The following SLC18A3 variants were observed in gnomAD, a reference collection of about 807,000 sequenced individuals.
SLC18A3 encodes vesicular acetylcholine transporter.
A neutral mutation model predicts 24.2 loss-of-function variants in SLC18A3; 18 were observed. The observed-to-expected ratio is 0.74, with a 90% CI of 0.51 to 1.10. SLC18A3 has a LOEUF of 1.10. Ranked by LOEUF, SLC18A3 falls within the 50% of genes least tolerant of loss-of-function variation. SLC18A3 has a pLI of 0.00. For missense variants in SLC18A3, 744 were observed against 750.7 expected (o/e 0.99, Z 0.10); for synonymous variants, 415 against 355.4 (o/e 1.17, Z -1.89).
chr10:49,612,366 C>T lies in SLC18A3; in HGVS notation c.*27C>T, dbSNP rs1838325254. The T allele has an allele frequency of 6.4e-7, 1 of 1,558,182 alleles. No individual in the cohort carries two copies. Among genetic ancestry groups the T allele is most frequent in the Non-Finnish European group, 8.7e-7 (1 of 1,148,406 alleles). On this transcript the variant is annotated 3_prime_UTR_variant, in exon 1 of 1. Transcript: ENST00000374115. ...ATCCCCACTCCTCCTCCAGCCCACCCAACCGCCTTGGGTCAAGGGGGCTGC... is the reference window on the plus strand; with the variant it reads ...ATCCCCACTCCTCCTCCAGCCCACCTAACCGCCTTGGGTCAAGGGGGCTGC...
Position 49,611,216 on chromosome 10 carries a change from T to G in SLC18A3, c.476T>G (p.Leu159Arg). ...MSYDVPLLIG[L>R]GVMFASTVLF... ...TACGACGTGCCGCTGCTGATCGGCCTGGGCGTCATGTTCGCCTCTACAGTC... is the reference window on the plus strand; with the variant it reads ...TACGACGTGCCGCTGCTGATCGGCCGGGGCGTCATGTTCGCCTCTACAGTC... Residue 159 changes from leucine (L) to arginine (R), a missense_variant, in exon 1 of 1, where the codon CTG (leucine) becomes CGG (arginine). By Grantham distance (102) the Leu-to-Arg change is moderately radical. Coordinates refer to ENST00000374115, the MANE Select transcript of SLC18A3 (RefSeq NM_003055.3). The G allele has an allele frequency of 6.2e-7, 1 of 1,614,050 alleles. No homozygotes were observed. Among genetic ancestry groups the G allele is most frequent in the Non-Finnish European group, 8.5e-7 (1 of 1,180,004 alleles).
chr10:49,610,824 C>T lies in SLC18A3; in HGVS notation c.84C>T (p.Pro28=). 2 of 1,606,592 alleles carry T rather than the reference C, an allele frequency of 1.2e-6. No individual in the cohort carries two copies. Among genetic ancestry groups the T allele is most frequent in the Non-Finnish European group, 1.7e-6 (2 of 1,176,774 alleles). The change falls in exon 1 of 1, where the codon CCC becomes CCT. Residue 28 remains proline, a synonymous_variant. Transcript: ENST00000374115. ...SEAVGAALQE[P]RRQRRLVLVI... The stretch of plus-strand genomic sequence containing the variant: ...CTGTGGGCGCGGCGCTGCAGGAGCC[C>T]CGGCGGCAGAGGCGCCTGGTGCTTG...
Position 49,612,559 on chromosome 10 carries a change from G to T in SLC18A3, c.*220G>T. ...GAGCACCGAGGCCAGCGAAGCCATC[G>T]CGCTCCTTGCGGAGGTGAAGAGGAC... On this transcript the variant is annotated 3_prime_UTR_variant, in exon 1 of 1. Coordinates refer to ENST00000374115, the MANE Select transcript of SLC18A3 (RefSeq NM_003055.3). 1 of 549,574 alleles carries T rather than the reference G, an allele frequency of 1.8e-6. No individual in the cohort carries two copies. The highest frequency in any genetic ancestry group is 3.2e-6 in the Non-Finnish European group (1 of 309,060). 34.0% of individuals were successfully genotyped at this position (549,574 alleles called of 1,614,324 possible). A position where few individuals can be genotyped will look rare whatever the true frequency, so the allele number is the denominator to read the frequency against.
Position 49,612,446 on chromosome 10 carries a change from C to T in SLC18A3, c.*107C>T. On this transcript the variant is annotated 3_prime_UTR_variant, in exon 1 of 1. Transcript: ENST00000374115. ...AGGGCCCACCTCCTCCAGCGAGTAC[C>T]CCAGCCACTCCTCAACCTTGACTTC... The T allele has an allele frequency of 9.2e-7, 1 of 1,081,306 alleles. No homozygotes were observed. Among genetic ancestry groups the T allele is most frequent in the Non-Finnish European group, 1.3e-6 (1 of 741,210 alleles). 67.0% of individuals were successfully genotyped at this position (1,081,306 alleles called of 1,614,324 possible).
At position 49,610,682 on chromosome 10, in the gene SLC18A3, C is replaced by A. The variant is rs988228822; in HGVS notation, c.-59C>A. On this transcript the variant is annotated 5_prime_UTR_variant, in exon 1 of 1. Coordinates refer to ENST00000374115, the MANE Select transcript of SLC18A3 (RefSeq NM_003055.3). ...GTCCCGTGCCCTCGCCTCTGCACTG[C>A]GGGACGCCAGCGCTCGGCCCTGGCG... 4 of 1,439,398 alleles carry A rather than the reference C, an allele frequency of 2.8e-6. No homozygotes were observed. The African/African-American group carries it at 5.8e-5, about 21-fold the overall frequency. The allele number at this position is 1,439,398 out of a possible 1,614,324, so 89.2% of individuals were successfully genotyped here. A position where few individuals can be genotyped will look rare whatever the true frequency, so the allele number is the denominator to read the frequency against.
In SLC18A3 at chr10:49,612,688, C is replaced by T. The variant is rs965451248; in HGVS notation, c.*349C>T. 3.5e-6 allele frequency: 1 copy of T among 283,752 alleles called. No homozygotes were observed. The allele number at this position is 283,752 out of a possible 1,614,324, so 17.6% of individuals were successfully genotyped here. On this transcript the variant is annotated 3_prime_UTR_variant, in exon 1 of 1. Transcript: ENST00000374115. ...TTGGGCCGCTGCACCGCGGCGCCTCCGCCCAAATCAATAAACTGTGTCTGT... is the reference window on the plus strand; with the variant it reads ...TTGGGCCGCTGCACCGCGGCGCCTCTGCCCAAATCAATAAACTGTGTCTGT...
rs774335271 is a variant in SLC18A3 at position 49,612,363 on chromosome 10, A to G, written c.*24A>G. 6.4e-7 allele frequency: 1 copy of G among 1,556,046 alleles called. No homozygotes were observed. The highest frequency in any genetic ancestry group is 1.2e-5 in the South Asian group (1 of 81,592). On this transcript the variant is annotated 3_prime_UTR_variant, in exon 1 of 1. Coordinates refer to ENST00000374115, the MANE Select transcript of SLC18A3 (RefSeq NM_003055.3). ...AGCATCCCCACTCCTCCTCCAGCCC[A>G]CCCAACCGCCTTGGGTCAAGGGGGC...
At position 49,612,153 on chromosome 10, in the gene SLC18A3, C is replaced by T; in HGVS notation, c.1413C>T (p.Asn471=). The T allele has an allele frequency of 1.2e-6, 2 of 1,611,404 alleles. No individual in the cohort carries two copies. Among genetic ancestry groups the T allele is most frequent in the Non-Finnish European group, 8.5e-7 (1 of 1,179,778 alleles). The change falls in exon 1 of 1, where the codon AAC becomes AAT. Residue 471 remains asparagine (N), a synonymous_variant. Coordinates refer to ENST00000374115, the MANE Select transcript of SLC18A3 (RefSeq NM_003055.3). ...LYAPVLLLLR[N]VGLLTRSRSE... is the part of the protein sequence containing the mutation. ...CTCCCGTCTTGCTGCTGCTCCGCAA[C>T]GTGGGCCTCCTGACGCGCTCCCGTT... is the stretch of plus-strand genomic sequence containing the variant.
rs1047297359 is a variant in SLC18A3, at chr10:49,611,897, C to T, written c.1157C>T (p.Ser386Leu). The T allele has an allele frequency of 1.2e-6, 2 of 1,611,410 alleles. No individual in the cohort carries two copies. The highest frequency in any genetic ancestry group is 3.3e-5 in the Admixed American group (2 of 60,034). Residue 386 changes from serine to leucine, a missense_variant, in exon 1 of 1, where the codon TCA (serine) becomes TTA (leucine). This residue lies in a region of SLC18A3 where 566 missense variants were observed against 566.2 expected (regional missense o/e 1.00). Coordinates refer to ENST00000374115, the MANE Select transcript of SLC18A3 (RefSeq NM_003055.3). The part of the protein sequence containing the change: ...ACRSFAPLVV[S>L]LCGLCFGIAL... Reference sequence around the variant, plus strand: ...CGCTCCTTCGCGCCGCTAGTGGTCTCACTATGCGGCCTCTGTTTTGGCATA... The same window carrying T: ...CGCTCCTTCGCGCCGCTAGTGGTCTTACTATGCGGCCTCTGTTTTGGCATA...
chr10:49,610,974 G>A lies in SLC18A3; in HGVS notation c.234G>A (p.Trp78Ter). Residue 78 changes from tryptophan (W) to a stop codon, truncating the protein, a stop_gained, in exon 1 of 1, where the codon TGG becomes TGA. Coordinates refer to ENST00000374115, the MANE Select transcript of SLC18A3 (RefSeq NM_003055.3). LOFTEE classifies it high-confidence loss of function. Reference sequence around the variant, plus strand: ...GCCCCACCCGGACTCCCGAGGTGTGGGAGCCCACCCTGCCGCTGCCCACTC... The same window carrying A: ...GCCCCACCCGGACTCCCGAGGTGTGAGAGCCCACCCTGCCGCTGCCCACTC... ...GEGPTRTPEV[W>*]EPTLPLPTPA... The A allele has an allele frequency of 6.2e-7, 1 of 1,611,588 alleles. No homozygotes were observed. The highest frequency in any genetic ancestry group is 8.5e-7 in the Non-Finnish European group (1 of 1,178,554).
rs758786388 is a variant in SLC18A3 at position 49,610,697 on chromosome 10, C to A, written c.-44C>A. On this transcript the variant is annotated 5_prime_UTR_variant, in exon 1 of 1. Transcript: ENST00000374115. ...CTCTGCACTGCGGGACGCCAGCGCTCGGCCCTGGCGGAGGCGTCCTCGGAA... is the reference window on the plus strand; with the variant it reads ...CTCTGCACTGCGGGACGCCAGCGCTAGGCCCTGGCGGAGGCGTCCTCGGAA... The A allele has an allele frequency of 6.9e-7, 1 of 1,449,242 alleles. No individual in the cohort carries two copies. Among genetic ancestry groups the A allele is most frequent in the Non-Finnish European group, 9.0e-7 (1 of 1,105,762 alleles). 89.8% of individuals were successfully genotyped at this position (1,449,242 alleles called of 1,614,324 possible).
At position 49,611,406 on chromosome 10, in the gene SLC18A3, C is replaced by T. The variant is rs1564466201; in HGVS notation, c.666C>T (p.Ser222=). The change falls in exon 1 of 1, where the codon AGC becomes AGT. Residue 222 remains serine (S), a synonymous_variant. Transcript: ENST00000374115. ...RALGVALAFI[S]FGSLVAPPFG... ...TGGGCGTGGCGCTGGCCTTCATTAGCTTCGGAAGCCTAGTGGCCCCGCCCT... is the reference window on the plus strand; with the variant it reads ...TGGGCGTGGCGCTGGCCTTCATTAGTTTCGGAAGCCTAGTGGCCCCGCCCT... 6.3e-7 allele frequency: 1 copy of T among 1,598,128 alleles called. No individual in the cohort carries two copies. Among genetic ancestry groups the T allele is most frequent in the Non-Finnish European group, 8.5e-7 (1 of 1,179,220 alleles).
rs1838311901 is a variant in SLC18A3 at position 49,612,013 on chromosome 10, G to A, written c.1273G>A (p.Asp425Asn). The A allele has an allele frequency of 1.2e-6, 2 of 1,613,566 alleles. No homozygotes were observed. The highest frequency in any genetic ancestry group is 1.3e-5 in the African/African-American group (1 of 74,942). ...SVYGSVYAIA[D>N]ISYSVAYALG... Reference sequence around the variant, plus strand: ...CTATGGCAGCGTCTACGCCATCGCCGACATCTCCTATTCGGTGGCCTACGC... The same window carrying A: ...CTATGGCAGCGTCTACGCCATCGCCAACATCTCCTATTCGGTGGCCTACGC... The change falls in exon 1 of 1, where the codon GAC (aspartate) becomes AAC (asparagine). Residue 425 changes from aspartate (D) to asparagine (N), a missense_variant. By Grantham distance (23) the Asp-to-Asn change is conservative (BLOSUM62 1). Coordinates refer to ENST00000374115, the MANE Select transcript of SLC18A3 (RefSeq NM_003055.3).
In SLC18A3 at chr10:49,611,901, A is replaced by C; in HGVS notation, c.1161A>C (p.Leu387=). The change falls in exon 1 of 1, where the codon CTA becomes CTC. Residue 387 remains leucine, a synonymous_variant. Coordinates refer to ENST00000374115, the MANE Select transcript of SLC18A3 (RefSeq NM_003055.3). ...CCTTCGCGCCGCTAGTGGTCTCACT[A>C]TGCGGCCTCTGTTTTGGCATAGCCC... ...CRSFAPLVVS[L]CGLCFGIALV... is the part of the protein sequence containing the mutation. The C allele has an allele frequency of 6.2e-7, 1 of 1,611,596 alleles. No individual in the cohort carries two copies.
Position 49,611,642 on chromosome 10 carries a change from G to A in SLC18A3, c.902G>A (p.Cys301Tyr). 6.2e-7 allele frequency: 1 copy of A among 1,612,052 alleles called. No individual in the cohort carries two copies. The highest frequency in any genetic ancestry group is 1.1e-5 in the South Asian group (1 of 91,078). ...IAVVAGALTTCNIPLAFLEPT... is the reference protein window; with the variant it reads ...IAVVAGALTTYNIPLAFLEPT... ...GTGGTGGCCGGCGCGCTCACCACCTGTAACATTCCCCTCGCCTTCCTCGAA... is the reference window on the plus strand; with the variant it reads ...GTGGTGGCCGGCGCGCTCACCACCTATAACATTCCCCTCGCCTTCCTCGAA... The change falls in exon 1 of 1, where the codon TGT becomes TAT. Residue 301 changes from cysteine to tyrosine, a missense_variant. Physicochemically the swap from Cys to Tyr is radical, Grantham distance 194. Transcript: ENST00000374115.
At position 49,612,015 on chromosome 10, in the gene SLC18A3, C is replaced by T. The variant is rs1838311959; in HGVS notation, c.1275C>T (p.Asp425=). The T allele has an allele frequency of 6.2e-7, 1 of 1,613,814 alleles. No homozygotes were observed. The highest frequency in any genetic ancestry group is 1.3e-5 in the African/African-American group (1 of 75,080). The change falls in exon 1 of 1, where the codon GAC becomes GAT. Residue 425 remains aspartate (D), a synonymous_variant. Coordinates refer to ENST00000374115, the MANE Select transcript of SLC18A3 (RefSeq NM_003055.3). ...SVYGSVYAIA[D]ISYSVAYALG... is the part of the protein sequence containing the mutation. ...ATGGCAGCGTCTACGCCATCGCCGA[C>T]ATCTCCTATTCGGTGGCCTACGCGC...
In SLC18A3 at chr10:49,611,178, C is replaced by T. The variant is rs778219350; in HGVS notation, c.438C>T (p.Ile146=). 1.2e-6 allele frequency: 2 copies of T among 1,614,162 alleles called. No homozygotes were observed. Among genetic ancestry groups the T allele is most frequent in the Admixed American group, 1.7e-5 (1 of 60,036 alleles). The change falls in exon 1 of 1, where the codon ATC becomes ATT. Residue 146 remains isoleucine, a synonymous_variant. Transcript: ENST00000374115. ...TGAACCCCTTGAGCGGGCCCTTCAT[C>T]GACCGCATGAGCTACGACGTGCCGC... ...LLVNPLSGPF[I]DRMSYDVPLL...
chr10:49,611,817 C>T lies in SLC18A3; in HGVS notation c.1077C>T (p.Tyr359=). Residue 359 remains tyrosine, a synonymous_variant, in exon 1 of 1, where the codon TAC becomes TAT. Coordinates refer to ENST00000374115, the MANE Select transcript of SLC18A3 (RefSeq NM_003055.3). ...AARYPHLQWL[Y]GALGLAVIGA... is the part of the protein sequence containing the mutation. ...GCTACCCACACCTGCAGTGGCTGTA[C>T]GGCGCGCTTGGGCTGGCTGTGATCG... 1 of 1,603,688 alleles carries T rather than the reference C, an allele frequency of 6.2e-7. No homozygotes were observed. Among genetic ancestry groups the T allele is most frequent in the Non-Finnish European group, 8.5e-7 (1 of 1,179,746 alleles).
chr10:49,612,506 C>T lies in SLC18A3; in HGVS notation c.*167C>T. 1 of 674,526 alleles carries T rather than the reference C, an allele frequency of 1.5e-6. No homozygotes were observed. The highest frequency in any genetic ancestry group is 2.5e-6 in the Non-Finnish European group (1 of 398,324). 41.8% of individuals were successfully genotyped at this position (674,526 alleles called of 1,614,324 possible). A position where few individuals can be genotyped will look rare whatever the true frequency, so the allele number is the denominator to read the frequency against. Reference sequence around the variant, plus strand: ...CCCCTCCCTGTGACCCGTTCCATATCCCTTTCTCTCTTGTCCAATGGGGCT... The same window carrying T: ...CCCCTCCCTGTGACCCGTTCCATATTCCTTTCTCTCTTGTCCAATGGGGCT... On this transcript the variant is annotated 3_prime_UTR_variant, in exon 1 of 1. Coordinates refer to ENST00000374115, the MANE Select transcript of SLC18A3 (RefSeq NM_003055.3).
Sources: allele counts gnomAD v4.1 joint callset, GRCh38; gene constraint gnomAD v4.1.1; regional missense constraint gnomAD v4.1.1; transcripts MANE v1.5; gene names NCBI Gene and HGNC (gene_info 2026-07-23, HGNC 2026-07-21).